Variants in MYO10 observed in about 807,000 individuals in gnomAD.
The protein encoded by MYO10 is unconventional myosin-X.
A neutral mutation model predicts 257.3 loss-of-function variants in MYO10; 133 were observed. That is an observed-to-expected ratio of 0.52 (90% CI 0.45 to 0.60). MYO10 has a LOEUF of 0.60. Ranked by LOEUF, MYO10 falls within the 20% of genes least tolerant of loss-of-function variation. The pLI is 0.00. For missense variants in MYO10, 2,399 were observed against 2,635.7 expected (o/e 0.91, Z 1.97); for synonymous variants, 1,104 against 1,028.6 (o/e 1.07, Z -1.40).
intron 23 of MYO10, 36 bp from the exon 24 acceptor site, chr5:16,702,624 A>G (rs1343843364): frequency 6.5e-7 from 1 of 1,548,584 alleles, no homozygotes; most frequent in Non-Finnish European, 8.8e-7. Context: ...AATCAACAAC[A>G]ATAACCCTGG....
At chr5:16,844,610 T>A (rs1743574746) in intron 2 of MYO10, among the ~76,000 whole-genome samples, 1 of 152,210 alleles carries the variant, frequency 6.6e-6, no homozygotes, top group Non-Finnish European at 1.5e-5. Context: ...AAAATTGGCA[T>A]AAACAGGATT....
intron 2 of MYO10, among the ~76,000 whole-genome samples, chr5:16,847,327 G>C (rs1195049702): frequency 6.6e-6 from 1 of 151,748 alleles, no homozygotes; most frequent in Non-Finnish European, 1.5e-5. Flanking sequence ...AGGAGGCTGA[G>C]GCAGGAGAAT....
intron 2 of MYO10, among the ~76,000 whole-genome samples, chr5:16,821,445 T>A (rs1382802979): frequency 4.2e-4 from 2 of 4,806 alleles, no homozygotes; most frequent in Non-Finnish European, 8.8e-4. Flanking sequence ...CCTATTTTCT[T>A]TTTTTTTTTT....
chr5:16,827,588 A>G (rs886707008), intron 2 of MYO10, among the ~76,000 whole-genome samples: 2 of 152,232 alleles, frequency 1.3e-5, no homozygotes, highest in African/African-American at 2.4e-5. Flanking sequence ...CGCCCAGCCA[A>G]TGTTATCTTT....
intron 3 of MYO10, among the ~76,000 whole-genome samples, chr5:16,816,118 G>A (rs1428864841): frequency 6.6e-6 from 1 of 151,368 alleles, no homozygotes; most frequent in Non-Finnish European, 1.5e-5. Context: ...CGAGGCGGGC[G>A]GATCACAAGG....
intron 30 of MYO10, 137 bp downstream of exon 30, chr5:16,683,742 TG>T (rs1208097399): frequency 1.3e-6 from 1 of 756,682 alleles, no homozygotes; most frequent in East Asian, 2.7e-5. Flanking sequence ...ACTGGATTGC[TG>T]GGGTTGACAA....
At chr5:16,680,150 C>T (rs191441045) in intron 32 of MYO10, 46 bp from the exon 33 acceptor site, 35 of 1,582,782 alleles carry the variant, frequency 2.2e-5, no homozygotes, top group African/African-American at 2.0e-4. Context: ...ACGCCAACCT[C>T]GGGGACTGAG....
At chr5:16,832,087 C>A (rs1241467218) in intron 2 of MYO10, among the ~76,000 whole-genome samples, 1 of 152,106 alleles carries the variant, frequency 6.6e-6, no homozygotes, top group Non-Finnish European at 1.5e-5. Flanking sequence ...GCTGGGACTA[C>A]AGGCGCATGC....
chr5:16,754,868 T>C lies in MYO10; in HGVS notation c.1889A>G (p.Asn630Ser), dbSNP rs151323297. ...HSLMATLSSS[N>S]PFFVRCIKPN... is the part of the protein sequence containing the mutation. ...CTTGATACAGCGAACAAAGAAAGGA[T>C]TAGAGGAGCTTAGCGTTGCCATTAA... Residue 630 changes from asparagine (N) to serine (S), a missense_variant, in exon 19 of 41, where the codon AAT becomes AGT. Around this residue, in one of 3 missense-constraint regions of MYO10, gnomAD observed 1,820 missense variants for 1,939.4 expected, o/e 0.94. Transcript: ENST00000513610. 722 of 1,604,130 alleles carry C rather than the reference T, an allele frequency of 4.5e-4. 4 individuals are homozygous for C. In the African/African-American group the frequency reaches 9.1e-3, roughly 20 times the overall value.
chr5:16,925,060 T>C (rs1746094277), intron 1 of MYO10, among the ~76,000 whole-genome samples: 1 of 152,122 alleles, frequency 6.6e-6, no homozygotes, highest in South Asian at 2.1e-4. Flanking sequence ...CTCGATCTCC[T>C]GACCTCGTGA....
intron 2 of MYO10, among the ~76,000 whole-genome samples, chr5:16,873,849 C>T (rs1005251638): frequency 6.6e-6 from 1 of 152,140 alleles, no homozygotes; most frequent in African/African-American, 2.4e-5. Context: ...CTAGGCTGCA[C>T]ACAGCACAGG....
intron 4 of MYO10, among the ~76,000 whole-genome samples, chr5:16,785,657 G>A (rs1741557408): frequency 6.6e-6 from 1 of 152,062 alleles, no homozygotes; most frequent in Admixed American, 6.5e-5. Context: ...ATTACTTGAG[G>A]TCAGAAGTTT....
At position 16,666,161 on chromosome 5, in the gene MYO10, G is replaced by A. The variant is rs986087384; in HGVS notation, c.*531C>T. 1 of 153,248 alleles carries A rather than the reference G, an allele frequency of 6.5e-6. No individual in the cohort carries two copies. Among genetic ancestry groups the A allele is most frequent in the Admixed American group, 6.5e-5 (1 of 15,300 alleles). 9.5% of individuals were successfully genotyped at this position (153,248 alleles called of 1,614,324 possible). A position where few individuals can be genotyped will look rare whatever the true frequency, so the allele number is the denominator to read the frequency against. On this transcript the variant is annotated 3_prime_UTR_variant, in exon 41 of 41. Transcript: ENST00000513610. ...AAAAAGTTGATTCATGTCATTCCAT[G>A]AGAAAGGCTGCCCGCAGCACTCCAG...
At chr5:16,858,871 TCACTTGAACCCGGGAGGTGGAGGTGG>T (rs1744036199) in intron 2 of MYO10, among the ~76,000 whole-genome samples, 1 of 152,058 alleles carries the variant, frequency 6.6e-6, no homozygotes, top group Admixed American at 6.5e-5. Context: ...GACAGAAGAA[TCACTTGAACCCGGGAGGTGGAGGTGG>T]CAGTGAGCCG....
At chr5:16,792,770 T>G (rs1579996178) in intron 4 of MYO10, among the ~76,000 whole-genome samples, 1 of 152,280 alleles carries the variant, frequency 6.6e-6, no homozygotes, top group East Asian at 1.9e-4. Flanking sequence ...CCCACTTGGC[T>G]GGGAGTCTTA....
intron 2 of MYO10, among the ~76,000 whole-genome samples, chr5:16,820,052 G>A (rs1358117757): frequency 1.3e-5 from 2 of 152,246 alleles, no homozygotes; most frequent in Admixed American, 1.3e-4. Context: ...CCTGCCACAT[G>A]AGCCCCACAG....
At chr5:16,884,157 G>A (rs1305745163) in intron 1 of MYO10, among the ~76,000 whole-genome samples, 4 of 152,290 alleles carry the variant, frequency 2.6e-5, no homozygotes, top group Non-Finnish European at 2.9e-5. Context: ...CTGGGAGACC[G>A]AGGCAGGCGG....
intron 19 of MYO10, among the ~76,000 whole-genome samples, chr5:16,725,088 T>C (rs1739307327): frequency 1.5e-5 from 2 of 134,462 alleles, no homozygotes; most frequent in Non-Finnish European, 3.2e-5. Context: ...CTTTTTTTTT[T>C]TTTTTTTTTT....
rs753801592 is a variant in MYO10 at position 16,701,712 on chromosome 5, T to TCTGCAGACGGAGGATCTCTTC, written c.2682_2683insGAAGAGATCCTCCGTCTGCAG (p.Glu894_Lys895insGluGluIleLeuArgLeuGln). The TCTGCAGACGGAGGATCTCTTC allele has an allele frequency of 3.1e-6, 5 of 1,614,012 alleles. No individual in the cohort carries two copies. Among genetic ancestry groups the TCTGCAGACGGAGGATCTCTTC allele is most frequent in the Non-Finnish European group, 4.2e-6 (5 of 1,179,886 alleles). Reference sequence around the variant, plus strand: ...ATGCGCTGCAGGTCCTCGATTTCTTTCTCCAGACGGAGGATCTCTTCCACC... The same window carrying TCTGCAGACGGAGGATCTCTTC: ...ATGCGCTGCAGGTCCTCGATTTCTTTCTGCAGACGGAGGATCTCTTCCTCCAGACGGAGGATCTCTTCCACC... On this transcript the variant is annotated inframe_insertion, in exon 25 of 41. Transcript: ENST00000513610. The surrounding 1 kb of genome is among the most constrained non-coding windows in gnomAD (Gnocchi z 8.1).
Sources: gnomAD v4.1 joint callset for allele counts (sites outside exome capture counted in the v4.1 genomes callset) on GRCh38, gnomAD v4.1.1 for gene constraint, gnomAD v4.1.1 regional missense constraint, Gnocchi (gnomAD v3.1) non-coding constraint, MANE v1.5 for transcripts, NCBI Gene and HGNC (gene_info 2026-07-23, HGNC 2026-07-21) for gene names.